The following NR5A2 variants were observed in gnomAD, a reference collection of about 807,000 sequenced individuals.
NR5A2 encodes the protein nuclear receptor subfamily 5 group A member 2.
Under a neutral mutation model 62.7 loss-of-function variants are expected in NR5A2, and 26 were observed. The observed-to-expected ratio is 0.41, with a 90% CI of 0.30 to 0.58. The LOEUF is 0.58. Ranked by LOEUF, NR5A2 falls within the 20% of genes least tolerant of loss-of-function variation. The pLI is 0.22. For synonymous variants in NR5A2, 246 were observed against 241.7 expected, an observed-to-expected ratio of 1.02 and a Z score of -0.16; for missense variants, 541 against 669.1, an observed-to-expected ratio of 0.81 and a Z score of 2.11.
chr1:200,053,755 G>T (rs1462822625), intron 5 of NR5A2, among the ~76,000 whole-genome samples: 1 of 152,160 alleles, frequency 6.6e-6, no homozygotes, highest in African/African-American at 2.4e-5. Flanking sequence ...GAGTCCAGAT[G>T]ACCCCGTGGG....
At chr1:200,075,984 A>T (rs1664016095) in intron 5 of NR5A2, among the ~76,000 whole-genome samples, 1 of 152,014 alleles carries the variant, frequency 6.6e-6, no homozygotes. Flanking sequence ...TTTTAACAAG[A>T]AGCTAAACTC....
Position 200,109,630 on chromosome 1 carries a change from CAG to C in NR5A2, c.1111-1571_1111-1570del, listed in dbSNP as rs1315458601. 5.9e-5 allele frequency among the ~76,000 whole-genome samples: 9 copies of C among 152,292 alleles called. No homozygotes were observed. The East Asian group carries it at 1.7e-3, about 29-fold the overall frequency. ...GAAACTCTTATCACTACTAATATAT[CAG>C]TGACAGCTATTCAGAGTCTTATGGA... On this transcript the variant is annotated intron_variant, in intron 5 of 7. Coordinates refer to ENST00000367362, the MANE Select transcript of NR5A2 (RefSeq NM_205860.3).
At chr1:200,084,574 T>A (rs1413255311) in intron 5 of NR5A2, among the ~76,000 whole-genome samples, 2 of 152,166 alleles carry the variant, frequency 1.3e-5, no homozygotes, top group Non-Finnish European at 2.9e-5. Flanking sequence ...AGAATAATAT[T>A]TTCCATATTA....
chr1:200,150,608 C>G (rs917641452), intron 7 of NR5A2, among the ~76,000 whole-genome samples: 1 of 152,058 alleles, frequency 6.6e-6, no homozygotes, highest in Non-Finnish European at 1.5e-5. Flanking sequence ...AGAGTTAACC[C>G]TGTGTATTTA....
chr1:200,094,277 G>A (rs1250450721), intron 5 of NR5A2, among the ~76,000 whole-genome samples: 1 of 150,642 alleles, frequency 6.6e-6, no homozygotes, highest in Non-Finnish European at 1.5e-5. Context: ...CTTTAAGCAA[G>A]GGGTTTAAGT....
intron 5 of NR5A2, among the ~76,000 whole-genome samples, chr1:200,062,142 A>G (rs1055821040): frequency 6.6e-6 from 1 of 152,110 alleles, no homozygotes; most frequent in Non-Finnish European, 1.5e-5. Flanking sequence ...CCTTATTTTC[A>G]TACAGGCACA....
At position 200,174,358 on chromosome 1, in the gene NR5A2, G is replaced by T; in HGVS notation, c.*148G>T. On this transcript the variant is annotated 3_prime_UTR_variant, in exon 8 of 8. Transcript: ENST00000367362. ...GCTTTAAAGATATTGAATTTAAAAA[G>T]GCATAATAATCAAATACTTAATAGC... 2.2e-5 allele frequency: 17 copies of T among 773,920 alleles called. No individual in the cohort carries two copies. Among genetic ancestry groups the T allele is most frequent in the Non-Finnish European group, 3.1e-5 (17 of 544,988 alleles). 47.9% of individuals were successfully genotyped at this position (773,920 alleles called of 1,614,324 possible).
At chr1:200,099,730 A>T (rs991433378) in intron 5 of NR5A2, among the ~76,000 whole-genome samples, 3 of 152,128 alleles carry the variant, frequency 2.0e-5, no homozygotes, top group African/African-American at 7.2e-5. Context: ...AATAGCTGGG[A>T]CTACAGGCAC....
chr1:200,042,674 G>A (rs1423264643), intron 2 of NR5A2, among the ~76,000 whole-genome samples: 1 of 152,224 alleles, frequency 6.6e-6, no homozygotes, highest in African/African-American at 2.4e-5. Flanking sequence ...GTGCCCGGGG[G>A]AGTGCGGGCA....
intron 5 of NR5A2, among the ~76,000 whole-genome samples, chr1:200,098,503 C>A (rs1665205758): frequency 6.6e-6 from 1 of 152,102 alleles, no homozygotes; most frequent in African/African-American, 2.4e-5. Flanking sequence ...GAAGATTGTT[C>A]TTTACTCTTA....
At chr1:200,169,217 A>T (rs1217202315) in intron 7 of NR5A2, among the ~76,000 whole-genome samples, 1 of 148,562 alleles carries the variant, frequency 6.7e-6, no homozygotes, top group East Asian at 1.9e-4. Context: ...CCTATTTATT[A>T]AAAAAAAATC....
intron 5 of NR5A2, among the ~76,000 whole-genome samples, chr1:200,104,054 CT>C (rs1558140622): frequency 6.6e-6 from 1 of 152,060 alleles, no homozygotes; most frequent in Non-Finnish European, 1.5e-5. Context: ...GGGGGAGGTC[CT>C]TTGTGCTGCA....
chr1:200,073,258 ATATTCCCCTT>A (rs1322270224), intron 5 of NR5A2, among the ~76,000 whole-genome samples: 35 of 94,206 alleles, frequency 3.7e-4, no homozygotes, highest in African/African-American at 1.6e-3. Context: ...ATATATATAT[ATATTCCCCTT>A]TATATATATA....
intron 5 of NR5A2, among the ~76,000 whole-genome samples, chr1:200,081,879 C>T (rs959298489): frequency 1.6e-4 from 24 of 149,768 alleles, no homozygotes; most frequent in African/African-American, 4.9e-4. Context: ...TGTATTTTTA[C>T]GTGTAATTAC....
At chr1:200,151,521 A>G (rs561681670) in intron 7 of NR5A2, among the ~76,000 whole-genome samples, 4 of 152,340 alleles carry the variant, frequency 2.6e-5, no homozygotes, top group African/African-American at 7.2e-5. Flanking sequence ...GATGCTCACC[A>G]TGGAAGGTGT....
intron 5 of NR5A2, among the ~76,000 whole-genome samples, chr1:200,055,954 T>A (rs1001431584): frequency 2.0e-5 from 3 of 152,186 alleles, no homozygotes; most frequent in Non-Finnish European, 4.4e-5. Context: ...GTGTTCTGTC[T>A]TTGTGAATTT....
intron 5 of NR5A2, among the ~76,000 whole-genome samples, chr1:200,102,366 G>A (rs1210662286): frequency 6.6e-6 from 1 of 152,150 alleles, no homozygotes; most frequent in Non-Finnish European, 1.5e-5. Flanking sequence ...TTCTTTAGCG[G>A]TTCCTGAAGT....
chr1:200,127,213 G>A (rs571098278), intron 7 of NR5A2, among the ~76,000 whole-genome samples: 2 of 152,186 alleles, frequency 1.3e-5, no homozygotes, highest in East Asian at 1.9e-4. Flanking sequence ...TTTCCTCTTC[G>A]GAGACATTGG....
intron 2 of NR5A2, chr1:200,042,745 G>T: frequency 1.6e-4 from 107 of 681,058 alleles, no homozygotes; most frequent in South Asian, 2.6e-4. Context: ...TCCCATACTT[G>T]ACCTGTGTGG....
Sources: gnomAD v4.1 joint callset for allele counts (sites outside exome capture counted in the v4.1 genomes callset) on GRCh38, gnomAD v4.1.1 for gene constraint, MANE v1.5 for transcripts, NCBI Gene and HGNC (gene_info 2026-07-23, HGNC 2026-07-21) for gene names.